TAF4: variants seen among roughly 807,000 people sequenced by gnomAD.
TAF4 encodes transcription initiation factor TFIID subunit 4.
In TAF4, 9 loss-of-function variants were observed where a neutral mutation model predicts 90.3. That is an observed-to-expected ratio of 0.10 (90% CI 0.06 to 0.17). TAF4 has a LOEUF of 0.17. TAF4 is among the 10% of genes least tolerant of loss of function. The pLI is 1.00. For synonymous variants in TAF4, 818 were observed against 638.9 expected (o/e 1.28, Z -4.23); for missense variants, 1,351 against 1,370.7 (o/e 0.99, Z 0.23).
chr20:62,012,967 G>GC lies in TAF4; in HGVS notation c.1522-34dup, dbSNP rs771420627. ...ATAAGCAGAGTCACCTAAAACGAGC[G>GC]CAAGTAAAAGGAATTCCCACCCCCA... On this transcript the variant is annotated intron_variant, in intron 2 of 14. Coordinates refer to ENST00000252996, the MANE Select transcript of TAF4 (RefSeq NM_003185.4). 1.6e-5 allele frequency: 25 copies of GC among 1,609,782 alleles called. No homozygotes were observed. In the African/African-American group the frequency reaches 2.9e-4, roughly 19 times the overall value.
intron 1 of TAF4, among the ~76,000 whole-genome samples, chr20:62,026,808 C>T (rs6061961): frequency 0.24 from 36,486 of 152,120 alleles, 6,222 homozygotes; most frequent in East Asian, 0.47. Flanking sequence ...CACTCTCCCC[C>T]GGGCTCTGAT....
At chr20:61,997,181 C>T (rs1190668476) in intron 14 of TAF4, among the ~76,000 whole-genome samples, 2 of 152,182 alleles carry the variant, frequency 1.3e-5, no homozygotes, top group African/African-American at 4.8e-5. Context: ...CTTCATTCCA[C>T]GAACTGTCCA....
intron 9 of TAF4, among the ~76,000 whole-genome samples, chr20:62,002,888 C>G (rs1372666336): frequency 2.0e-4 from 30 of 152,086 alleles, no homozygotes; most frequent in Admixed American, 1.9e-3. Flanking sequence ...CGATGTTATA[C>G]TAAAAAATGA....
intron 1 of TAF4, among the ~76,000 whole-genome samples, chr20:62,033,071 A>C (rs2055913201): frequency 6.6e-6 from 1 of 152,142 alleles, no homozygotes; most frequent in Admixed American, 6.5e-5. Flanking sequence ...GAGGGCAAAG[A>C]AAGCAGCAAG....
At chr20:61,976,975 G>A (rs1017073773) in intron 14 of TAF4, among the ~76,000 whole-genome samples, 1 of 152,242 alleles carries the variant, frequency 6.6e-6, no homozygotes, top group Non-Finnish European at 1.5e-5. Context: ...CTGCGTGCCA[G>A]CTCCTGTGGA....
At chr20:62,026,436 G>A (rs1301809842) in intron 1 of TAF4, among the ~76,000 whole-genome samples, 1 of 152,168 alleles carries the variant, frequency 6.6e-6, no homozygotes, top group Non-Finnish European at 1.5e-5. Flanking sequence ...CCGAATGAAA[G>A]TGCGTGCTCA....
At chr20:62,016,160 G>A (rs113996613) in intron 1 of TAF4, among the ~76,000 whole-genome samples, 2,287 of 152,324 alleles carry the variant, frequency 0.015, 57 homozygotes, top group African/African-American at 0.051. Context: ...GCTGCTGCGC[G>A]TAACGAGGGA....
intron 10 of TAF4, 57 bp from the exon 11 acceptor site, chr20:62,000,311 T>C: frequency 3.8e-6 from 6 of 1,585,736 alleles, no homozygotes; most frequent in Non-Finnish European, 5.1e-6. Context: ...GTTCTTTCTT[T>C]ACGGCTAATC....
At chr20:62,047,039 G>A (rs1464057589) in intron 1 of TAF4, among the ~76,000 whole-genome samples, 1 of 152,166 alleles carries the variant, frequency 6.6e-6, no homozygotes, top group Non-Finnish European at 1.5e-5. Context: ...CTGTCAACCA[G>A]CAAAAGTTTT....
At chr20:62,042,423 G>A (rs1052309188) in intron 1 of TAF4, among the ~76,000 whole-genome samples, 4 of 152,236 alleles carry the variant, frequency 2.6e-5, no homozygotes, top group Admixed American at 2.0e-4. Flanking sequence ...ACCGCACAAG[G>A]ACTCGGGTAC....
At chr20:62,001,177 C>T (rs947192769) in intron 9 of TAF4, among the ~76,000 whole-genome samples, 2 of 152,174 alleles carry the variant, frequency 1.3e-5, no homozygotes, top group Non-Finnish European at 2.9e-5. Context: ...ACATTCTGCA[C>T]GTGTTTCCTA....
rs2056002520 is a variant in TAF4 at position 62,047,871 on chromosome 20, AT to A, written c.1360+16579del. Among the ~76,000 whole-genome samples the A allele has an allele frequency of 2.0e-5, 3 of 152,298 alleles. No homozygotes were observed. In the South Asian group the frequency reaches 6.2e-4, roughly 32 times the overall value. ...ACACAGCCATGGAAGCCGCAGGTCTATTTTTATAAACACCAGCACCCGGGAT... is the reference window on the plus strand; with the variant it reads ...ACACAGCCATGGAAGCCGCAGGTCTATTTTATAAACACCAGCACCCGGGAT... On this transcript the variant is annotated intron_variant, in intron 1 of 14. Transcript: ENST00000252996.
intron 1 of TAF4, 126 bp downstream of exon 1, chr20:62,064,325 G>C: frequency 8.8e-7 from 1 of 1,140,736 alleles, no homozygotes; most frequent in Non-Finnish European, 1.1e-6. Flanking sequence ...ACTGCCCCTC[G>C]GCCTGCTCCA....
intron 14 of TAF4, among the ~76,000 whole-genome samples, chr20:61,989,329 GA>G (rs1448896429): frequency 6.6e-6 from 1 of 152,158 alleles, no homozygotes; most frequent in East Asian, 1.9e-4. Context: ...AGTGGGCAGG[GA>G]AAGTGCACGT....
chr20:62,039,751 ATTAC>A, intron 1 of TAF4, among the ~76,000 whole-genome samples: 1 of 152,242 alleles, frequency 6.6e-6, no homozygotes, highest in South Asian at 2.1e-4. Flanking sequence ...TATCTGATAA[ATTAC>A]TTACATCTAG....
intron 4 of TAF4, 124 bp from the exon 5 acceptor site, chr20:62,009,298 A>G: frequency 9.5e-7 from 1 of 1,047,704 alleles, no homozygotes; most frequent in Non-Finnish European, 1.3e-6. Context: ...ACTTCTTTCA[A>G]GAAAACGCAC....
At chr20:62,001,914 G>A (rs1184964363) in intron 9 of TAF4, among the ~76,000 whole-genome samples, 3 of 152,184 alleles carry the variant, frequency 2.0e-5, no homozygotes, top group Non-Finnish European at 4.4e-5. Context: ...CTGAACACTA[G>A]GTGTGCTCAG....
chr20:62,007,975 C>G (rs28382077), intron 5 of TAF4: 4,474 of 214,686 alleles, frequency 0.021, 124 homozygotes, highest in African/African-American at 0.076. Context: ...GGAGGCAGAT[C>G]AGCCTAAAAG....
At chr20:62,055,076 G>A (rs1382245750) in intron 1 of TAF4, among the ~76,000 whole-genome samples, 1 of 152,112 alleles carries the variant, frequency 6.6e-6, no homozygotes, top group Non-Finnish European at 1.5e-5. Flanking sequence ...TTTAAATTAT[G>A]CCCTATCCAG....
Sources: gnomAD v4.1 joint callset for allele counts (sites outside exome capture counted in the v4.1 genomes callset) on GRCh38, gnomAD v4.1.1 for gene constraint, MANE v1.5 for transcripts, NCBI Gene and HGNC (gene_info 2026-07-23, HGNC 2026-07-21) for gene names.